Variants in C9 observed in about 807,000 individuals in gnomAD.
C9 encodes the protein complement C9.
C9 carries 63 observed loss-of-function variants against 65.4 expected under a neutral mutation model. The observed-to-expected ratio is 0.96, with a 90% CI of 0.79 to 1.19. The LOEUF is 1.19. Ranked by LOEUF, C9 falls within the 50% of genes most tolerant of loss-of-function variation. The pLI is 0.00. For synonymous variants in C9, 229 were observed against 227.9 expected, an observed-to-expected ratio of 1.00 and a Z score of -0.04; for missense variants, 744 against 670.1, an observed-to-expected ratio of 1.11 and a Z score of -1.22.
At chr5:39,358,909 CG>C (rs1754459741) in intron 1 of C9, among the ~76,000 whole-genome samples, 1 of 151,018 alleles carries the variant, frequency 6.6e-6, no homozygotes, top group South Asian at 2.1e-4. Flanking sequence ...GGCGTGAACC[CG>C]GGAGGCGGAG....
At position 39,341,330 on chromosome 5, in the gene C9, T is replaced by C. The variant is rs765405715; in HGVS notation, c.329-37A>G. On this transcript the variant is annotated intron_variant, in intron 3 of 10. Transcript: ENST00000263408. Reference sequence around the variant, plus strand: ...ATCAGGAGAGACTCAATGTATCTAATGTCAAATTTTCTCTTTCTTTCTGAA... The same window carrying C: ...ATCAGGAGAGACTCAATGTATCTAACGTCAAATTTTCTCTTTCTTTCTGAA... 5.6e-6 allele frequency: 9 copies of C among 1,610,766 alleles called. No individual in the cohort carries two copies. The African/African-American group carries it at 8.0e-5, about 14-fold the overall frequency.
At chr5:39,347,264 G>T (rs639070) in intron 1 of C9, among the ~76,000 whole-genome samples, 144,739 of 152,244 alleles carry the variant, frequency 0.95, 68,929 homozygotes, top group Non-Finnish European at 0.98. Context: ...ACTGTATATT[G>T]AGAAAACTCC....
At chr5:39,333,610 T>C (rs1479212878) in intron 4 of C9, among the ~76,000 whole-genome samples, 1 of 104,418 alleles carries the variant, frequency 9.6e-6, no homozygotes, top group Non-Finnish European at 2.1e-5. Context: ...CCCTCTCCCC[T>C]TTCCATGGTC....
intron 1 of C9, among the ~76,000 whole-genome samples, chr5:39,343,946 A>T (rs1393620498): frequency 6.8e-6 from 1 of 147,726 alleles, no homozygotes; most frequent in Admixed American, 6.7e-5. Context: ...ACTCCAACAC[A>T]CCTGCAGCTG....
intron 1 of C9, among the ~76,000 whole-genome samples, chr5:39,343,388 C>T (rs570600684): frequency 6.6e-6 from 1 of 152,228 alleles, no homozygotes; most frequent in African/African-American, 2.4e-5. Context: ...ATATCCTGCA[C>T]CTGGCTCAGA....
chr5:39,342,240 A>G (rs993259356), intron 1 of C9, 44 bp from the exon 2 acceptor site: 4 of 1,034,098 alleles, frequency 3.9e-6, no homozygotes, highest in Non-Finnish European at 6.1e-6. Flanking sequence ...CATTGTGTAT[A>G]TCTGTTTCCA....
intron 1 of C9, among the ~76,000 whole-genome samples, chr5:39,348,823 A>G (rs1484626776): frequency 3.3e-5 from 5 of 152,352 alleles, no homozygotes; most frequent in Admixed American, 3.3e-4. Context: ...CATATACACC[A>G]TAGAATACTA....
At chr5:39,309,849 G>A (rs187672193) in intron 7 of C9, among the ~76,000 whole-genome samples, 277 of 152,242 alleles carry the variant, frequency 1.8e-3, no homozygotes, top group Non-Finnish European at 3.1e-3. Context: ...TTCCTATGGA[G>A]CTTTTTCATC....
chr5:39,322,489 C>G (rs1052142889), intron 5 of C9, among the ~76,000 whole-genome samples: 2 of 151,826 alleles, frequency 1.3e-5, no homozygotes, highest in Admixed American at 6.6e-5. Context: ...TAATAAAGAT[C>G]AGAGCAGAAA....
chr5:39,345,299 A>G (rs941504666), intron 1 of C9, among the ~76,000 whole-genome samples: 10 of 152,360 alleles, frequency 6.6e-5, no homozygotes, highest in Admixed American at 3.9e-4. Flanking sequence ...AGAGACACAC[A>G]TAGGCTCAAA....
chr5:39,329,415 C>T (rs1202028403), intron 5 of C9, among the ~76,000 whole-genome samples: 2 of 152,126 alleles, frequency 1.3e-5, no homozygotes, highest in Admixed American at 6.5e-5. Flanking sequence ...ATTATTATTT[C>T]TATTTTATAG....
chr5:39,285,284 T>C (rs766372878), intron 10 of C9, 51 bp from the exon 11 acceptor site: 1 of 1,474,796 alleles, frequency 6.8e-7, no homozygotes, highest in East Asian at 2.3e-5. Flanking sequence ...GGATTTTACT[T>C]TGGGTCCATC....
chr5:39,308,215 T>G lies in C9; in HGVS notation c.1240+15A>C. 6.2e-7 allele frequency: 1 copy of G among 1,611,798 alleles called. No homozygotes were observed. The highest frequency in any genetic ancestry group is 8.5e-7 in the Non-Finnish European group (1 of 1,178,038). On this transcript the variant is annotated intron_variant, in intron 8 of 10. Coordinates refer to ENST00000263408, the MANE Select transcript of C9 (RefSeq NM_001737.5). ...CTCAGGCTTTATAAAATCTAACAAG[T>G]GAGGCCACACTTACCAGCTCTACCC...
chr5:39,293,914 T>C (rs552041241), intron 9 of C9, among the ~76,000 whole-genome samples: 1 of 152,098 alleles, frequency 6.6e-6, no homozygotes, highest in South Asian at 2.1e-4. Context: ...CTTTGGAAAC[T>C]GTACAAATAC....
chr5:39,287,491 T>C (rs1306627931), intron 10 of C9, among the ~76,000 whole-genome samples: 1 of 152,026 alleles, frequency 6.6e-6, no homozygotes, highest in Non-Finnish European at 1.5e-5. Flanking sequence ...TGCACACATA[T>C]GTTTACTGCA....
Position 39,362,782 on chromosome 5 carries a change from C to T in C9, c.77+1606G>A, listed in dbSNP as rs137998462. Among the ~76,000 whole-genome samples, 4 of 152,262 alleles carry T rather than the reference C, an allele frequency of 2.6e-5. No individual in the cohort carries two copies. The East Asian group carries it at 7.8e-4, about 30-fold the overall frequency. ...TCAAACAAATCGTCTCACTTCATGA[C>T]TGAGGGCTCTGAACACTCTGTTTTG... On this transcript the variant is annotated intron_variant, in intron 1 of 10. Coordinates refer to ENST00000263408, the MANE Select transcript of C9 (RefSeq NM_001737.5).
chr5:39,288,271 G>A (rs1480942146), intron 10 of C9, among the ~76,000 whole-genome samples: 2 of 151,578 alleles, frequency 1.3e-5, no homozygotes, highest in Non-Finnish European at 3.0e-5. Flanking sequence ...TTTGGGGGGC[G>A]GGGATGTGGT....
chr5:39,303,931 G>T (rs1364043634), intron 9 of C9, among the ~76,000 whole-genome samples: 1 of 152,128 alleles, frequency 6.6e-6, no homozygotes, highest in Non-Finnish European at 1.5e-5. Context: ...ACCCTGAGCT[G>T]CTGGGATAGA....
intron 1 of C9, among the ~76,000 whole-genome samples, chr5:39,359,102 G>GTATATATATATATATATATATATA (rs1157807681): frequency 1.5e-4 from 16 of 103,660 alleles, no homozygotes; most frequent in African/African-American, 2.6e-4. Flanking sequence ...GTGTGTGTGT[G>GTATATATATATATATATATATATA]TATATATATA....
Sources: gnomAD v4.1 joint callset for allele counts (sites outside exome capture counted in the v4.1 genomes callset) on GRCh38, gnomAD v4.1.1 for gene constraint, MANE v1.5 for transcripts, NCBI Gene and HGNC (gene_info 2026-07-23, HGNC 2026-07-21) for gene names.